CDH13: variants seen among roughly 807,000 people sequenced by gnomAD.
CDH13 encodes the protein cadherin 13, also known as cadherin-13.
CDH13 carries 24 observed loss-of-function variants against 63.8 expected under a neutral mutation model. That is an observed-to-expected ratio of 0.38 (90% confidence interval 0.27 to 0.53). The LOEUF (loss-of-function observed/expected upper bound fraction) is 0.53. Among genes scored for constraint, CDH13 ranks in the 20% least tolerant of loss-of-function variants. The pLI, the probability that CDH13 is intolerant of heterozygous loss-of-function variation, is 0.85. For synonymous variants in CDH13, 503 were observed against 355.3 expected (o/e 1.42, Z -4.67); for missense variants, 1,049 against 903.1 (o/e 1.16, Z -2.07).
chr16:82,649,067 G>A (rs1910432092), intron 1 of CDH13, among the ~76,000 whole-genome samples: 1 of 144,770 alleles, frequency 6.9e-6, no homozygotes, highest in Non-Finnish European at 1.5e-5. Context: ...AATAAGCAAT[G>A]GAACTAATAT....
chr16:83,577,856 T>G (rs1336187579), intron 7 of CDH13, among the ~76,000 whole-genome samples: 1 of 152,218 alleles, frequency 6.6e-6, no homozygotes. Context: ...AAATGAACAT[T>G]GCATAACTAC....
At chr16:83,256,376 A>C (rs1285487674) in intron 5 of CDH13, among the ~76,000 whole-genome samples, 1 of 152,130 alleles carries the variant, frequency 6.6e-6, no homozygotes, top group Non-Finnish European at 1.5e-5. Flanking sequence ...ACAAGAAATT[A>C]ATTCCCTGAG....
At chr16:82,692,989 C>T (rs998238293) in intron 1 of CDH13, among the ~76,000 whole-genome samples, 7 of 152,116 alleles carry the variant, frequency 4.6e-5, no homozygotes, top group African/African-American at 1.7e-4. Flanking sequence ...TGCCTTCCAC[C>T]TTGTTAGATT....
intron 2 of CDH13, among the ~76,000 whole-genome samples, chr16:82,924,640 G>A (rs1597223334): frequency 1.3e-5 from 2 of 152,232 alleles, no homozygotes; most frequent in East Asian, 3.9e-4. Context: ...ATAAAGCCCG[G>A]GAGCACTAGG....
chr16:83,506,555 C>G (rs1480502244), intron 7 of CDH13, among the ~76,000 whole-genome samples: 1 of 152,200 alleles, frequency 6.6e-6, no homozygotes, highest in Non-Finnish European at 1.5e-5. Flanking sequence ...GCACTTCTGA[C>G]TTTTGCATAT....
intron 3 of CDH13, among the ~76,000 whole-genome samples, chr16:83,097,138 A>G (rs773660523): frequency 6.6e-6 from 1 of 152,200 alleles, no homozygotes; most frequent in East Asian, 1.9e-4. Flanking sequence ...TGATATCACC[A>G]TAAAGGAGGA....
chr16:83,391,363 A>G (rs61651662), intron 6 of CDH13, among the ~76,000 whole-genome samples: 62,824 of 151,486 alleles, frequency 0.41, 14,572 homozygotes, highest in African/African-American at 0.65. Flanking sequence ...CTACCACCAC[A>G]CCCAGCTAAT....
chr16:83,701,431 A>C (rs1274012031), intron 10 of CDH13, among the ~76,000 whole-genome samples: 1 of 152,150 alleles, frequency 6.6e-6, no homozygotes, highest in African/African-American at 2.4e-5. Flanking sequence ...TCTGTGTGCC[A>C]GTCATAGAGG....
rs1555505870 is a variant in CDH13 at position 83,624,345 on chromosome 16, C to CT, written c.1101+21751_1101+21752insT. Among the ~76,000 whole-genome samples, 118 of 151,784 alleles carry CT rather than the reference C, an allele frequency of 7.8e-4. 3 individuals carry two copies. Among genetic ancestry groups the CT allele is most frequent in the Admixed American group, 7.7e-3 (118 of 15,242 alleles). ...AGGAAATGATGAGATAACGCCCCCACCCCTGCCCCAGGTCAGCAGTCCCCA... is the reference window on the plus strand; with the variant it reads ...AGGAAATGATGAGATAACGCCCCCACTCCCTGCCCCAGGTCAGCAGTCCCCA... On this transcript the variant is annotated intron_variant, in intron 8 of 13. Transcript: ENST00000567109.
intron 1 of CDH13, among the ~76,000 whole-genome samples, chr16:82,800,021 C>G (rs1486422418): frequency 2.0e-5 from 3 of 152,206 alleles, no homozygotes; most frequent in African/African-American, 7.2e-5. Flanking sequence ...GACTACTACA[C>G]TCGAATGACA....
rs2074283978 is a variant in CDH13, at chr16:83,501,544, A to G, written c.960+14889A>G. 3.3e-5 allele frequency among the ~76,000 whole-genome samples: 5 copies of G among 152,250 alleles called. No individual in the cohort carries two copies. In the South Asian group the frequency reaches 1.0e-3, roughly 31 times the overall value. ...TTGTGCTCAGCATTGGACAGCCACC[A>G]TGTAAACAATTACGGCGTTTTTTCA... is the stretch of plus-strand genomic sequence containing the variant. On this transcript the variant is annotated intron_variant, in intron 7 of 13. Coordinates refer to ENST00000567109, the MANE Select transcript of CDH13 (RefSeq NM_001257.5).
chr16:83,555,888 C>A (rs972287396), intron 7 of CDH13, among the ~76,000 whole-genome samples: 2 of 152,170 alleles, frequency 1.3e-5, no homozygotes, highest in African/African-American at 2.4e-5. Flanking sequence ...GTATTCCGTT[C>A]TGTTTCTATC....
chr16:83,148,086 C>T (rs368100655), intron 4 of CDH13, among the ~76,000 whole-genome samples: 50 of 152,200 alleles, frequency 3.3e-4, no homozygotes, highest in African/African-American at 9.2e-4. Flanking sequence ...TACAGGCGTG[C>T]GCCACCACGC....
intron 10 of CDH13, among the ~76,000 whole-genome samples, chr16:83,711,186 G>T (rs527864036): frequency 6.6e-6 from 1 of 152,194 alleles, no homozygotes; most frequent in African/African-American, 2.4e-5. Flanking sequence ...AGATTTTGAA[G>T]CTATCCCATT....
chr16:83,750,473 C>T (rs412279), intron 11 of CDH13, among the ~76,000 whole-genome samples: 151,315 of 152,328 alleles, frequency 0.99, 75,161 homozygotes, highest in East Asian at 1. Flanking sequence ...TCAATGTTGA[C>T]GTATTGGAGT....
At chr16:83,401,469 A>C (rs755263897) in intron 6 of CDH13, among the ~76,000 whole-genome samples, 28 of 152,042 alleles carry the variant, frequency 1.8e-4, no homozygotes, top group Non-Finnish European at 3.7e-4. Flanking sequence ...CTGAGATCGC[A>C]TCACTGCACT....
At chr16:83,761,929 T>C (rs1914004329) in intron 11 of CDH13, among the ~76,000 whole-genome samples, 1 of 151,576 alleles carries the variant, frequency 6.6e-6, no homozygotes, top group South Asian at 2.1e-4. Context: ...TAGCCAGGCG[T>C]GGTTGTGCAT....
chr16:83,192,803 C>A (rs917466674), intron 4 of CDH13, among the ~76,000 whole-genome samples: 1 of 152,140 alleles, frequency 6.6e-6, no homozygotes, highest in Non-Finnish European at 1.5e-5. Context: ...TGCCCAACAA[C>A]TGCCCCCTAA....
At chr16:83,386,149 G>T (rs1030576626) in intron 6 of CDH13, among the ~76,000 whole-genome samples, 1 of 152,336 alleles carries the variant, frequency 6.6e-6, no homozygotes, top group South Asian at 2.1e-4. Flanking sequence ...AACATGAGCT[G>T]CTGTTGTATT....
Sources: gnomAD v4.1 joint callset for allele counts (sites outside exome capture counted in the v4.1 genomes callset) on GRCh38, gnomAD v4.1.1 for gene constraint, MANE v1.5 for transcripts, NCBI Gene and HGNC (gene_info 2026-07-23, HGNC 2026-07-21) for gene names.